The following VWF variants were observed in gnomAD, a reference collection of about 807,000 sequenced individuals.
VWF encodes Factor VIII related antigen.
In VWF, 176 loss-of-function variants were observed where a neutral mutation model predicts 308.6. The ratio of observed to expected loss-of-function variants is 0.57; its 90% CI spans 0.50 to 0.65. The LOEUF (loss-of-function observed/expected upper bound fraction) is 0.65. Among genes scored for constraint, VWF ranks in the 30% least tolerant of loss-of-function variants. VWF has a pLI of 0.00. For synonymous variants in VWF, 1,385 were observed against 1,443.4 expected (o/e 0.96, Z 0.92); for missense variants, 3,146 against 3,648.2 (o/e 0.86, Z 3.55).
chr12:6,042,541 G>A (rs1035096074), intron 18 of VWF, among the ~76,000 whole-genome samples: 2 of 152,208 alleles, frequency 1.3e-5, no homozygotes, highest in African/African-American at 2.4e-5. Flanking sequence ...ACACTCGCCG[G>A]CATCGTAAGG....
At chr12:6,092,603 T>TAGTG (rs199985240) in intron 6 of VWF, among the ~76,000 whole-genome samples, 5,426 of 65,008 alleles carry the variant, frequency 0.083, 259 homozygotes, top group East Asian at 0.16. Flanking sequence ...CCCAGCTAGT[T>TAGTG]AGTGAGTGAG....
chr12:6,103,380 A>G lies in VWF; in HGVS notation c.532+6994T>C, dbSNP rs187101025. Among the ~76,000 whole-genome samples, 27 of 135,546 alleles carry G rather than the reference A, an allele frequency of 2.0e-4. No individual in the cohort carries two copies. The East Asian group carries it at 2.5e-3, about 12-fold the overall frequency. The allele number at this position is 135,546 out of a possible 152,430, so 88.9% of individuals were successfully genotyped here. ...TATACATATATATGTGTGTGTGTGT[A>G]TACACGTGTGTGTATACACGTGTGT... On this transcript the variant is annotated intron_variant, in intron 5 of 51. Coordinates refer to ENST00000261405, the MANE Select transcript of VWF (RefSeq NM_000552.5).
chr12:6,090,390 T>C (rs1428908153), intron 6 of VWF, among the ~76,000 whole-genome samples: 3 of 152,306 alleles, frequency 2.0e-5, no homozygotes, highest in Admixed American at 1.3e-4. Context: ...TCTGGGCACC[T>C]TGTTTTCCTT....
chr12:6,031,381 T>C lies in VWF; in HGVS notation c.2820+63A>G, dbSNP rs1156258806. The C allele has an allele frequency of 8.7e-6, 14 of 1,613,684 alleles. No individual in the cohort carries two copies. The East Asian group carries it at 2.7e-4, about 31-fold the overall frequency. On this transcript the variant is annotated intron_variant, in intron 21 of 51. Transcript: ENST00000261405. ...GAGCTCTAAATGAATGCTTGGAAAA[T>C]GTTCCTATTAAGTGGCAGAAGCACA...
chr12:6,081,503 C>G (rs1001017074), intron 6 of VWF, among the ~76,000 whole-genome samples: 5 of 152,164 alleles, frequency 3.3e-5, no homozygotes, highest in African/African-American at 1.2e-4. Context: ...CCATGCCCAG[C>G]TAATTTTTGT....
chr12:5,984,989 G>T, intron 40 of VWF, 56 bp downstream of exon 40: 1 of 1,576,722 alleles, frequency 6.3e-7, no homozygotes, highest in East Asian at 2.2e-5. Context: ...CTTCAACGTG[G>T]TGCCCCCTGG....
Position 5,959,236 on chromosome 12 carries a change from G to T in VWF, c.7888-5642C>A, listed in dbSNP as rs188979942. ...AAATAAATAAATAAAAAATAAAGGA[G>T]GTTATTTGATAATGACAAAAGAATA... On this transcript the variant is annotated intron_variant, in intron 47 of 51. Transcript: ENST00000261405. Among the ~76,000 whole-genome samples the T allele has an allele frequency of 2.0e-3, 299 of 152,086 alleles. 1 individual carries two copies. Among genetic ancestry groups the T allele is most frequent in the African/African-American group, 7.0e-3 (291 of 41,478 alleles).
rs73266893 is a variant in VWF, at chr12:6,123,764, C to T, written c.1-568G>A. On this transcript the variant is annotated intron_variant, in intron 1 of 51. Transcript: ENST00000261405. ...CAAGATGCTTAGCACCCAGGAGATG[C>T]CCAGCAAATGTTTGCTGAGTTCATC... Among the ~76,000 whole-genome samples, 1,443 of 152,252 alleles carry T rather than the reference C, an allele frequency of 9.5e-3. 18 individuals are homozygous for T. Among genetic ancestry groups the T allele is most frequent in the African/African-American group, 0.032 (1,337 of 41,532 alleles).
intron 6 of VWF, among the ~76,000 whole-genome samples, chr12:6,092,626 T>A (rs150759772): frequency 0.51 from 42,663 of 82,978 alleles, 8,145 homozygotes; most frequent in Middle Eastern, 0.57. Flanking sequence ...AGAGTGTGTG[T>A]GTGTGTGTGT....
At position 6,020,816 on chromosome 12, in the gene VWF, C is replaced by T. The variant is rs986616978; in HGVS notation, c.3675-1073G>A. Among the ~76,000 whole-genome samples, 1 of 152,260 alleles carries T rather than the reference C, an allele frequency of 6.6e-6. No individual in the cohort carries two copies. The highest frequency in any genetic ancestry group is 1.5e-5 in the Non-Finnish European group (1 of 68,050). On this transcript the variant is annotated intron_variant, in intron 27 of 51. Coordinates refer to ENST00000261405, the MANE Select transcript of VWF (RefSeq NM_000552.5). The surrounding 1 kb of genome is among the most constrained non-coding windows in gnomAD (Gnocchi z 4.3). Reference sequence around the variant, plus strand: ...CACCAGCCTGCTGTGGGACTTCTGTCCACACACTGCTTGCAGCTTCAGCGT... The same window carrying T: ...CACCAGCCTGCTGTGGGACTTCTGTTCACACACTGCTTGCAGCTTCAGCGT...
intron 28 of VWF, among the ~76,000 whole-genome samples, chr12:6,017,148 C>T (rs1368054481): frequency 6.6e-6 from 1 of 152,224 alleles, no homozygotes; most frequent in African/African-American, 2.4e-5. Context: ...ATAAAAGCAG[C>T]AGGCATAGGC....
chr12:6,013,406 C>A, intron 32 of VWF, 75 bp downstream of exon 32: 1 of 1,585,390 alleles, frequency 6.3e-7, no homozygotes, highest in Non-Finnish European at 8.7e-7. Flanking sequence ...CTCTTGAATA[C>A]TATTTTTGTT....
chr12:6,042,203 C>A (rs960936860), intron 18 of VWF, among the ~76,000 whole-genome samples: 14 of 152,222 alleles, frequency 9.2e-5, no homozygotes, highest in African/African-American at 3.4e-4. Context: ...CTCTTTCTGC[C>A]CCCCGCAGAT....
chr12:6,018,197 A>T (rs936616869), intron 28 of VWF, among the ~76,000 whole-genome samples, 168 bp downstream of exon 28: 1 of 152,194 alleles, frequency 6.6e-6, no homozygotes, highest in Admixed American at 6.5e-5. Flanking sequence ...TCTCCCTGCC[A>T]GGGAGGTGAG....
intron 6 of VWF, among the ~76,000 whole-genome samples, chr12:6,092,616 A>AAAGTGT (rs1555073712): frequency 5.2e-5 from 5 of 96,620 alleles, no homozygotes; most frequent in Non-Finnish European, 8.3e-5. Context: ...TGAGTGAGTG[A>AAAGTGT]GAGTGTGTGT....
intron 5 of VWF, among the ~76,000 whole-genome samples, chr12:6,102,042 C>A (rs1011212474): frequency 1.3e-5 from 2 of 152,154 alleles, no homozygotes; most frequent in African/African-American, 2.4e-5. Context: ...TAGTTAAAAA[C>A]CAGAAGAAGG....
At position 5,994,452 on chromosome 12, in the gene VWF, G is replaced by A. The variant is rs147982896; in HGVS notation, c.6219C>T (p.Ser2073=). The stretch of plus-strand genomic sequence containing the variant: ...ACGTCTTTGAAGCAAAAGTCTTGGG[G>A]CTGAGCTGCAGTTGGAACTCATTGT... ...PQNNEFQLQL[S]PKTFASKTYG... Residue 2073 remains serine, a synonymous_variant, in exon 36 of 52, where the codon AGC becomes AGT. Transcript: ENST00000261405. The A allele has an allele frequency of 4.7e-5, 76 of 1,614,044 alleles. No individual in the cohort carries two copies. The Middle Eastern group carries it at 1.2e-3, about 24-fold the overall frequency.
chr12:6,083,824 G>T (rs921904836), intron 6 of VWF, among the ~76,000 whole-genome samples: 2 of 152,206 alleles, frequency 1.3e-5, no homozygotes, highest in Admixed American at 6.5e-5. Context: ...AAGCAGAGGG[G>T]TCTTGTGCAA....
chr12:5,950,586 A>T (rs928278195), intron 50 of VWF, among the ~76,000 whole-genome samples: 1 of 152,078 alleles, frequency 6.6e-6, no homozygotes, highest in African/African-American at 2.4e-5. Flanking sequence ...CCCTAACTAC[A>T]TATTAGTCTG....
Sources: allele counts gnomAD v4.1 joint callset (sites outside exome capture counted in the v4.1 genomes callset), GRCh38; gene constraint gnomAD v4.1.1; non-coding constraint Gnocchi (gnomAD v3.1); transcripts MANE v1.5; gene names NCBI Gene and HGNC (gene_info 2026-07-23, HGNC 2026-07-21).